The following TMEM132E variants were observed in gnomAD, a reference collection of about 807,000 sequenced individuals.
TMEM132E encodes the protein transmembrane protein 132E.
TMEM132E carries 49 observed loss-of-function variants against 78.5 expected under a neutral mutation model. The ratio of observed to expected loss-of-function variants is 0.62; its 90% CI spans 0.50 to 0.79. TMEM132E has a LOEUF of 0.79. TMEM132E is among the 30% of genes least tolerant of loss of function. The pLI, the probability that TMEM132E is intolerant of heterozygous loss-of-function variation, is 0.00. For missense variants in TMEM132E, 1,403 were observed against 1,470.9 expected (o/e 0.95, Z 0.75); for synonymous variants, 715 against 670.6 (o/e 1.07, Z -1.02).
Position 34,626,966 on chromosome 17 carries a change from C to T in TMEM132E, c.907C>T (p.Leu303Phe), listed in dbSNP as rs948976828. 27 of 1,613,946 alleles carry T rather than the reference C, an allele frequency of 1.7e-5. No homozygotes were observed. The highest frequency in any genetic ancestry group is 2.3e-5 in the Non-Finnish European group (27 of 1,180,032). ...GATGATCCGCCTGCCAGACCGGCCC[C>T]TCAAGCCCGGGGAAGTGCTCAGCAT... ...NLMIRLPDRP[L>F]KPGEVLSILL... The change falls in exon 2 of 9, where the codon CTC becomes TTC. Residue 303 changes from leucine (L) to phenylalanine (F), a missense_variant. Leu to Phe is a conservative substitution (Grantham distance 22). Coordinates refer to ENST00000631683, the MANE Select transcript of TMEM132E (RefSeq NM_001304438.2).
In TMEM132E at chr17:34,592,493, A is replaced by G. The variant is rs540930328; in HGVS notation, c.67+11350A>G. Among the ~76,000 whole-genome samples the G allele has an allele frequency of 2.2e-4, 34 of 152,332 alleles. No individual in the cohort carries two copies. The South Asian group carries it at 7.0e-3, about 32-fold the overall frequency. On this transcript the variant is annotated intron_variant, in intron 1 of 8. Transcript: ENST00000631683. ...TCTGACAAGGAACACAGGCCTCCCTAATCTGCAGCCTGAAGGTGTATGGGG... is the reference window on the plus strand; with the variant it reads ...TCTGACAAGGAACACAGGCCTCCCTGATCTGCAGCCTGAAGGTGTATGGGG...
intron 1 of TMEM132E, among the ~76,000 whole-genome samples, chr17:34,598,989 G>A (rs1279017852): frequency 6.6e-6 from 1 of 152,236 alleles, no homozygotes; most frequent in Non-Finnish European, 1.5e-5. Flanking sequence ...CACTTCCAGA[G>A]CTTACAGACA....
At chr17:34,600,782 C>T (rs2142059528) in intron 1 of TMEM132E, among the ~76,000 whole-genome samples, 1 of 152,228 alleles carries the variant, frequency 6.6e-6, no homozygotes, top group South Asian at 2.1e-4. Flanking sequence ...CGTGGCCTTT[C>T]CGAGGTGTGC....
chr17:34,589,989 G>T (rs1905811607), intron 1 of TMEM132E, among the ~76,000 whole-genome samples: 1 of 152,218 alleles, frequency 6.6e-6, no homozygotes, highest in African/African-American at 2.4e-5. Context: ...GATAAAAACT[G>T]CCATCAGCCA....
At chr17:34,583,511 C>T (rs936079821) in intron 1 of TMEM132E, among the ~76,000 whole-genome samples, 1 of 152,238 alleles carries the variant, frequency 6.6e-6, no homozygotes, top group Non-Finnish European at 1.5e-5. Context: ...CCCACGTAGC[C>T]ACCCCTTCCC....
Position 34,637,693 on chromosome 17 carries a change from G to A in TMEM132E, c.2686G>A (p.Gly896Ser). The A allele has an allele frequency of 1.9e-6, 3 of 1,612,022 alleles. No individual in the cohort carries two copies. The highest frequency in any genetic ancestry group is 2.5e-6 in the Non-Finnish European group (3 of 1,179,986). ...GGAGATCGGCATGTACGCGCTGCTG[G>A]GCGTCTTCTGCCTCGCCATCCTCGT... ...DLEIGMYALL[G>S]VFCLAILVFL... Residue 896 changes from glycine to serine, a missense_variant, in exon 9 of 9, where the codon GGC becomes AGC. Physicochemically the swap from Gly to Ser is moderately conservative, Grantham distance 56 (BLOSUM62 0). Coordinates refer to ENST00000631683, the MANE Select transcript of TMEM132E (RefSeq NM_001304438.2).
chr17:34,633,779 G>T (rs1347831644), intron 6 of TMEM132E, among the ~76,000 whole-genome samples: 1 of 152,216 alleles, frequency 6.6e-6, no homozygotes, highest in African/African-American at 2.4e-5. Flanking sequence ...TCAGTAAAAT[G>T]CAGATTCTGA....
Position 34,626,671 on chromosome 17 carries a change from C to T in TMEM132E, c.612C>T (p.Ala204=). ...ELPLAWFGPP[A]PAAPPTARRK... ...CCCTGGCCTGGTTCGGGCCCCCAGC[C>T]CCCGCTGCGCCACCCACGGCCCGCC... The change falls in exon 2 of 9, where the codon GCC becomes GCT. Residue 204 remains alanine, a synonymous_variant. Coordinates refer to ENST00000631683, the MANE Select transcript of TMEM132E (RefSeq NM_001304438.2). The T allele has an allele frequency of 7.1e-7, 1 of 1,406,616 alleles. No homozygotes were observed. The highest frequency in any genetic ancestry group is 9.3e-7 in the Non-Finnish European group (1 of 1,077,824). The allele number at this position is 1,406,616 out of a possible 1,614,324, so 87.1% of individuals were successfully genotyped here.
intron 1 of TMEM132E, among the ~76,000 whole-genome samples, chr17:34,586,853 T>G (rs1367495237): frequency 6.6e-6 from 1 of 152,234 alleles, no homozygotes; most frequent in Non-Finnish European, 1.5e-5. Flanking sequence ...AAAATCTCTT[T>G]TTGCCTAAAT....
Position 34,623,687 on chromosome 17 carries a change from A to G in TMEM132E, c.68-2440A>G, listed in dbSNP as rs190383868. ...ACTTTAGAGGTGGAAATGGAGGCTC[A>G]AAATGGAAAGCAACTTGCACAGTGA... On this transcript the variant is annotated intron_variant, in intron 1 of 8. Coordinates refer to ENST00000631683, the MANE Select transcript of TMEM132E (RefSeq NM_001304438.2). Among the ~76,000 whole-genome samples the G allele has an allele frequency of 1.6e-4, 24 of 152,362 alleles. No homozygotes were observed. The East Asian group carries it at 4.4e-3, about 28-fold the overall frequency.
intron 1 of TMEM132E, among the ~76,000 whole-genome samples, chr17:34,586,245 T>G (rs1164502564): frequency 6.6e-6 from 1 of 152,072 alleles, no homozygotes; most frequent in Non-Finnish European, 1.5e-5. Context: ...TTGCCCATGC[T>G]CAACACAGAA....
intron 1 of TMEM132E, among the ~76,000 whole-genome samples, chr17:34,615,553 T>TGTG (rs1906753860): frequency 1.9e-4 from 12 of 62,996 alleles, no homozygotes; most frequent in Non-Finnish European, 1.1e-4. Context: ...GTGTGTGTGT[T>TGTG]AGCACAACCA....
Position 34,637,635 on chromosome 17 carries a change from C to T in TMEM132E, c.2628C>T (p.Gly876=). Residue 876 remains glycine (G), a synonymous_variant, in exon 9 of 9, where the codon GGC becomes GGT. Coordinates refer to ENST00000631683, the MANE Select transcript of TMEM132E (RefSeq NM_001304438.2). ...PTEDFLPLPT[G]FLQVPRGLTD... is the part of the protein sequence containing the mutation. ...AAGACTTCCTGCCGCTGCCCACCGG[C>T]TTCCTGCAGGTGCCACGGGGTCTGA... 6.2e-7 allele frequency: 1 copy of T among 1,605,732 alleles called. No individual in the cohort carries two copies. The highest frequency in any genetic ancestry group is 8.5e-7 in the Non-Finnish European group (1 of 1,178,758).
At chr17:34,617,723 G>A (rs769946932) in intron 1 of TMEM132E, among the ~76,000 whole-genome samples, 2 of 152,166 alleles carry the variant, frequency 1.3e-5, no homozygotes, top group Non-Finnish European at 2.9e-5. Flanking sequence ...GAGTTTATGT[G>A]ACTCCAAAGC....
chr17:34,616,673 G>A (rs950597315), intron 1 of TMEM132E, among the ~76,000 whole-genome samples: 2 of 152,162 alleles, frequency 1.3e-5, no homozygotes, highest in African/African-American at 4.8e-5. Flanking sequence ...GCTTCGTGGT[G>A]GGGAAGGTTT....
At chr17:34,625,709 C>G (rs976989864) in intron 1 of TMEM132E, among the ~76,000 whole-genome samples, 2 of 152,200 alleles carry the variant, frequency 1.3e-5, no homozygotes, top group Non-Finnish European at 2.9e-5. Context: ...TTTTCAGCAC[C>G]AGAGTCCACT....
chr17:34,581,821 G>C (rs1000561222), intron 1 of TMEM132E, among the ~76,000 whole-genome samples: 1 of 151,962 alleles, frequency 6.6e-6, no homozygotes, highest in Non-Finnish European at 1.5e-5. Context: ...AATCTGTTGC[G>C]TCTGCTCCCC....
chr17:34,636,321 C>T (rs1243582257), intron 8 of TMEM132E, 123 bp downstream of exon 8: 4 of 975,700 alleles, frequency 4.1e-6, no homozygotes, highest in Non-Finnish European at 5.5e-6. Flanking sequence ...AGGATCTCTG[C>T]CCTCCATGCC....
intron 1 of TMEM132E, among the ~76,000 whole-genome samples, chr17:34,600,015 G>A (rs1906183980): frequency 6.6e-6 from 1 of 152,234 alleles, no homozygotes; most frequent in South Asian, 2.1e-4. Flanking sequence ...CAGAGGACAG[G>A]ACCCCAGGAA....
Sources: allele counts gnomAD v4.1 joint callset (sites outside exome capture counted in the v4.1 genomes callset), GRCh38; gene constraint gnomAD v4.1.1; transcripts MANE v1.5; gene names NCBI Gene and HGNC (gene_info 2026-07-23, HGNC 2026-07-21).